The following SLC19A3 variants were observed in gnomAD, a reference collection of about 807,000 sequenced individuals.
SLC19A3 encodes solute carrier family 19 member 3.
A neutral mutation model predicts 40.2 loss-of-function variants in SLC19A3; 31 were observed. The ratio of observed to expected loss-of-function variants is 0.77; its 90% CI spans 0.58 to 1.04. The LOEUF (loss-of-function observed/expected upper bound fraction) is 1.04, where lower values mean the gene tolerates loss of function less well. Among genes scored for constraint, SLC19A3 ranks in the 50% least tolerant of loss-of-function variants. The pLI is 0.00. For synonymous variants in SLC19A3, 212 were observed against 227.5 expected (o/e 0.93, Z 0.61); for missense variants, 592 against 596.7 (o/e 0.99, Z 0.08).
intron 3 of SLC19A3, among the ~76,000 whole-genome samples, chr2:227,697,232 G>A (rs1208778618): frequency 2.0e-5 from 3 of 152,194 alleles, no homozygotes; most frequent in Non-Finnish European, 4.4e-5. Context: ...TTCTGGCACA[G>A]TCCTGGTTTC....
chr2:227,709,822 C>T (rs1696078678), intron 1 of SLC19A3, among the ~76,000 whole-genome samples: 1 of 152,074 alleles, frequency 6.6e-6, no homozygotes, highest in African/African-American at 2.4e-5. Context: ...GACAATACTG[C>T]CAGAATTAAC....
In SLC19A3 at chr2:227,688,276, G is replaced by T; in HGVS notation, c.1204C>A (p.Arg402Ser). 6.2e-7 allele frequency: 1 copy of T among 1,613,904 alleles called. No individual in the cohort carries two copies. Residue 402 changes from arginine (R) to serine (S), a missense_variant, in exon 5 of 6, where the codon CGC becomes AGC. Physicochemically the swap from Arg to Ser is moderately radical, Grantham distance 110. Transcript: ENST00000644224. ...TTGATTCCAAATACCAAGGCATAGCGTTCCACATTCAGATTAACTGCAATC... is the reference window on the plus strand; with the variant it reads ...TTGATTCCAAATACCAAGGCATAGCTTTCCACATTCAGATTAACTGCAATC... ...FQIAVNLNVE[R>S]YALVFGINTF...
chr2:227,687,358 A>G lies in SLC19A3; in HGVS notation c.*39T>C, dbSNP rs745399850. 2.5e-6 allele frequency: 4 copies of G among 1,568,960 alleles called. No homozygotes were observed. The highest frequency in any genetic ancestry group is 1.9e-5 in the Admixed American group (1 of 51,880). ...TCTCAAAATCTTTCCTTATTATTGC[A>G]TAACTTTGAAAGCCACTGTTGCGTT... On this transcript the variant is annotated 3_prime_UTR_variant, in exon 6 of 6. Transcript: ENST00000644224.
chr2:227,701,054 G>A (rs1184055123), intron 2 of SLC19A3: 7 of 1,304,064 alleles, frequency 5.4e-6, no homozygotes, highest in Non-Finnish European at 6.1e-6. Flanking sequence ...GATTCATTGA[G>A]TTGCTTCTGA....
Position 227,698,942 on chromosome 2 carries a change from G to A in SLC19A3, c.773C>T (p.Thr258Ile). 4 of 1,614,146 alleles carry A rather than the reference G, an allele frequency of 2.5e-6. No individual in the cohort carries two copies. The highest frequency in any genetic ancestry group is 3.4e-6 in the Non-Finnish European group (4 of 1,180,020). Residue 258 changes from threonine (T) to isoleucine (I), a missense_variant, in exon 3 of 6, where the codon ACT becomes ATT. Coordinates refer to ENST00000644224, the MANE Select transcript of SLC19A3 (RefSeq NM_025243.4). ...QLNSLKPSNV[T>I]VDVFVQWFQD... The stretch of plus-strand genomic sequence containing the variant: ...GAACCACTGCACAAAAACGTCCACA[G>A]TCACATTGCTTGGTTTCAGGCTGTT...
At position 227,687,378 on chromosome 2, in the gene SLC19A3, T is replaced by TG; in HGVS notation, c.*18dup. On this transcript the variant is annotated 3_prime_UTR_variant, in exon 6 of 6. Transcript: ENST00000644224. ...ATTGCATAACTTTGAAAGCCACTGT[T>TG]GCGTTTGTTGCGATGAGGTTAGAGT... is the stretch of plus-strand genomic sequence containing the variant. 1.9e-6 allele frequency: 3 copies of TG among 1,589,876 alleles called. No individual in the cohort carries two copies. The highest frequency in any genetic ancestry group is 2.6e-6 in the Non-Finnish European group (3 of 1,165,668).
At chr2:227,711,808 G>T (rs1277587898) in intron 1 of SLC19A3, among the ~76,000 whole-genome samples, 1 of 152,074 alleles carries the variant, frequency 6.6e-6, no homozygotes, top group East Asian at 1.9e-4. Context: ...CCAGCATTTT[G>T]GGAGGCCGAG....
intron 2 of SLC19A3, chr2:227,701,194 C>T (rs1018279537): frequency 3.1e-5 from 28 of 893,700 alleles, no homozygotes; most frequent in African/African-American, 2.8e-4. Context: ...CCTCACCACC[C>T]GAGGCACCCA....
chr2:227,690,425 C>T (rs111445989), intron 4 of SLC19A3, among the ~76,000 whole-genome samples: 11,227 of 151,900 alleles, frequency 0.074, 1,177 homozygotes, highest in African/African-American at 0.24. Context: ...ATTGTAAATA[C>T]GGCCAGGCGC....
At chr2:227,715,102 G>A (rs1443386204) in intron 1 of SLC19A3, among the ~76,000 whole-genome samples, 1 of 151,992 alleles carries the variant, frequency 6.6e-6, no homozygotes, top group African/African-American at 2.4e-5. Context: ...TTACAGGTGT[G>A]AGCCGCCGTG....
chr2:227,704,363 G>A (rs867273238), intron 1 of SLC19A3, among the ~76,000 whole-genome samples: 26 of 152,152 alleles, frequency 1.7e-4, no homozygotes, highest in East Asian at 1.9e-4. Flanking sequence ...TACCATTTAC[G>A]ACTAGGACTA....
At position 227,703,193 on chromosome 2, in the gene SLC19A3, C is replaced by T. The variant is rs1208323928; in HGVS notation, c.-2-873G>A. ...ACGTGTATTTATAAACACATTCACA[C>T]TAAAGATTATGGTTACATATATAGA... On this transcript the variant is annotated intron_variant, in intron 1 of 5. Coordinates refer to ENST00000644224, the MANE Select transcript of SLC19A3 (RefSeq NM_025243.4). This position sits in a 1 kb window ranked among gnomAD's most constrained non-coding sequence, Gnocchi z 4.7. Among the ~76,000 whole-genome samples, 3 of 152,224 alleles carry T rather than the reference C, an allele frequency of 2.0e-5. No individual in the cohort carries two copies. Among genetic ancestry groups the T allele is most frequent in the Non-Finnish European group, 4.4e-5 (3 of 68,052 alleles).
intron 4 of SLC19A3, among the ~76,000 whole-genome samples, chr2:227,689,536 A>G (rs575753282): frequency 6.6e-5 from 10 of 152,320 alleles, no homozygotes; most frequent in Non-Finnish European, 1.2e-4. Context: ...AGGAGAAATA[A>G]AGACCATCCC....
chr2:227,696,081 C>T lies in SLC19A3; in HGVS notation c.980G>A (p.Gly327Glu), dbSNP rs1248803297. The change falls in exon 4 of 6, where the codon GGG becomes GAG. Residue 327 changes from glycine (G) to glutamate (E), a missense_variant and splice_region_variant. Gly to Glu is a moderately conservative substitution (Grantham distance 98). Transcript: ENST00000644224. Reference sequence around the variant, plus strand: ...ACCCACTGCAAAGGCAGCCACAGCCCCTGAAAAAAAACATTGAAGGCAATC... The same window carrying T: ...ACCCACTGCAAAGGCAGCCACAGCCTCTGAAAAAAAACATTGAAGGCAATC... The part of the protein sequence containing the change: ...GAVEAIATFG[G>E]AVAAFAVGYV... The T allele has an allele frequency of 6.7e-7, 1 of 1,502,426 alleles. No individual in the cohort carries two copies. Among genetic ancestry groups the T allele is most frequent in the Non-Finnish European group, 8.9e-7 (1 of 1,126,402 alleles). The allele number at this position is 1,502,426 out of a possible 1,614,324, so 93.1% of individuals were successfully genotyped here.
Position 227,698,694 on chromosome 2 carries a change from C to G in SLC19A3, c.979+42G>C, listed in dbSNP as rs79612836. On this transcript the variant is annotated intron_variant, in intron 3 of 5. Coordinates refer to ENST00000644224, the MANE Select transcript of SLC19A3 (RefSeq NM_025243.4). ...CGGTACCTGGAGGAATGGACTTAAGCGGGTAAAGCCAACAAAGGAAGATTA... is the reference window on the plus strand; with the variant it reads ...CGGTACCTGGAGGAATGGACTTAAGGGGGTAAAGCCAACAAAGGAAGATTA... 12,015 of 1,544,630 alleles carry G rather than the reference C, an allele frequency of 7.8e-3. 756 individuals carry two copies. The African/African-American group carries it at 0.14, about 18-fold the overall frequency.
intron 1 of SLC19A3, among the ~76,000 whole-genome samples, chr2:227,717,019 T>C (rs967008715): frequency 3.8e-5 from 3 of 77,962 alleles, no homozygotes; most frequent in Admixed American, 2.9e-4. Context: ...TTTTTTTTTT[T>C]TGAGGCAGAA....
At chr2:227,701,918 T>C (rs1006561681) in intron 2 of SLC19A3, 24 of 436,662 alleles carry the variant, frequency 5.5e-5, no homozygotes, top group Non-Finnish European at 9.2e-5. Context: ...TCTCCTATCA[T>C]TAACACAAAT....
At chr2:227,709,308 C>A (rs1186012283) in intron 1 of SLC19A3, among the ~76,000 whole-genome samples, 1 of 152,028 alleles carries the variant, frequency 6.6e-6, no homozygotes, top group Non-Finnish European at 1.5e-5. Context: ...ATTGGTGAAA[C>A]CCCGTCTCAA....
rs1694937677 is a variant in SLC19A3 at position 227,683,994 on chromosome 2, T to G, written c.*3403A>C. The G allele has an allele frequency of 6.6e-6, 1 of 152,276 alleles. No homozygotes were observed. Among genetic ancestry groups the G allele is most frequent in the Non-Finnish European group, 1.5e-5 (1 of 68,104 alleles). 9.4% of individuals were successfully genotyped at this position (152,276 alleles called of 1,614,324 possible). A position where few individuals can be genotyped will look rare whatever the true frequency, so the allele number is the denominator to read the frequency against. ...TTGTATTTTTTGTAGAGACAGGGTT[T>G]TGCCATGTTGCCTAGGCTGGTTTTG... On this transcript the variant is annotated 3_prime_UTR_variant, in exon 6 of 6. Coordinates refer to ENST00000644224, the MANE Select transcript of SLC19A3 (RefSeq NM_025243.4).
Sources: allele counts gnomAD v4.1 joint callset (sites outside exome capture counted in the v4.1 genomes callset), GRCh38; gene constraint gnomAD v4.1.1; non-coding constraint Gnocchi (gnomAD v3.1); transcripts MANE v1.5; gene names NCBI Gene and HGNC (gene_info 2026-07-23, HGNC 2026-07-21).